The following UBR3 variants were observed in gnomAD, a reference collection of about 807,000 sequenced individuals.
UBR3 encodes the protein ubiquitin protein ligase E3 component n-recognin 3.
A neutral mutation model predicts 243.2 loss-of-function variants in UBR3; 85 were observed. The ratio of observed to expected loss-of-function variants is 0.35; its 90% CI spans 0.29 to 0.42. The LOEUF (loss-of-function observed/expected upper bound fraction) is 0.42. UBR3 is among the 10% of genes least tolerant of loss of function. UBR3 has a pLI of 1.00. For missense variants in UBR3, 1,686 were observed against 2,300.8 expected (o/e 0.73, Z 5.47); for synonymous variants, 748 against 799.8 (o/e 0.94, Z 1.09).
chr2:170,004,732 G>A (rs902544252), intron 27 of UBR3, among the ~76,000 whole-genome samples: 5 of 152,030 alleles, frequency 3.3e-5, no homozygotes, highest in Admixed American at 6.5e-5. Context: ...CCAACATGGC[G>A]AAACCCCATC....
chr2:169,989,541 ATCAGAGATTACAAATC>A (rs2089182012), intron 25 of UBR3, among the ~76,000 whole-genome samples: 1 of 152,178 alleles, frequency 6.6e-6, no homozygotes, highest in Non-Finnish European at 1.5e-5. Flanking sequence ...CCATCAGTTG[ATCAGAGATTACAAATC>A]TCTTTCATGT....
At chr2:169,948,541 G>A (rs1045169636) in intron 22 of UBR3, among the ~76,000 whole-genome samples, 4 of 151,960 alleles carry the variant, frequency 2.6e-5, no homozygotes, top group Admixed American at 1.3e-4. Context: ...CTAGATTTTC[G>A]TGAGTAGAGA....
At chr2:169,902,427 C>A (rs2084861294) in intron 8 of UBR3, among the ~76,000 whole-genome samples, 1 of 152,156 alleles carries the variant, frequency 6.6e-6, no homozygotes, top group Non-Finnish European at 1.5e-5. Flanking sequence ...GTTTATAAGA[C>A]CCTGTAGCCT....
At chr2:170,076,350 T>G (rs2091809910) in intron 36 of UBR3, among the ~76,000 whole-genome samples, 1 of 152,240 alleles carries the variant, frequency 6.6e-6, no homozygotes, top group Admixed American at 6.5e-5. Context: ...ACCCTTCTTC[T>G]CATTCACAGT....
At chr2:169,927,510 A>G in intron 17 of UBR3, 105 bp downstream of exon 17, 1 of 853,704 alleles carries the variant, frequency 1.2e-6, no homozygotes, top group South Asian at 2.1e-5. Flanking sequence ...TTCAAAGTTG[A>G]AAAATAATAT....
chr2:170,046,214 C>A (rs1243547240), intron 32 of UBR3, among the ~76,000 whole-genome samples: 1 of 152,146 alleles, frequency 6.6e-6, no homozygotes, highest in Non-Finnish European at 1.5e-5. Context: ...ATCCACCTGC[C>A]TCGGCCTCCT....
intron 25 of UBR3, among the ~76,000 whole-genome samples, chr2:169,988,743 A>G (rs2089143134): frequency 6.6e-6 from 1 of 152,202 alleles, no homozygotes; most frequent in South Asian, 2.1e-4. Context: ...TCGAGGTTGC[A>G]GTGAGCTGAG....
intron 1 of UBR3, among the ~76,000 whole-genome samples, chr2:169,852,439 A>G (rs1359670898): frequency 6.6e-6 from 1 of 152,214 alleles, no homozygotes; most frequent in Admixed American, 6.5e-5. Context: ...AACATACCAC[A>G]CTAATTTATT....
chr2:169,886,318 G>A (rs1366389571), intron 5 of UBR3, among the ~76,000 whole-genome samples: 2 of 152,076 alleles, frequency 1.3e-5, no homozygotes, highest in African/African-American at 4.8e-5. Context: ...TCCAGTGCAG[G>A]AATTGATTTT....
At chr2:169,990,882 A>G (rs10201626) in intron 25 of UBR3, among the ~76,000 whole-genome samples, 150,886 of 152,180 alleles carry the variant, frequency 0.99, 74,814 homozygotes, top group Middle Eastern at 1. Flanking sequence ...TTTAAAGTTA[A>G]TAATTACTTA....
In UBR3 at chr2:170,079,112, T is replaced by A. The variant is rs574768332; in HGVS notation, c.5200-702T>A. Among the ~76,000 whole-genome samples the A allele has an allele frequency of 2.6e-5, 4 of 152,320 alleles. No homozygotes were observed. In the South Asian group the frequency reaches 6.2e-4, roughly 24 times the overall value. The stretch of plus-strand genomic sequence containing the variant: ...GACTCACTCTACATTTTATCTTTTT[T>A]AAGTGTGAATGGAGTAGCATCTAGA... On this transcript the variant is annotated intron_variant, in intron 36 of 38. Coordinates refer to ENST00000272793, the MANE Select transcript of UBR3 (RefSeq NM_172070.4).
intron 28 of UBR3, among the ~76,000 whole-genome samples, chr2:170,007,595 TAAA>T (rs2089959747): frequency 1.3e-5 from 2 of 152,052 alleles, no homozygotes. Flanking sequence ...CCGTCTCTAC[TAAA>T]AATACAAAAA....
At chr2:169,907,073 T>C (rs571962457) in intron 10 of UBR3, among the ~76,000 whole-genome samples, 1 of 146,716 alleles carries the variant, frequency 6.8e-6, no homozygotes, top group South Asian at 2.2e-4. Flanking sequence ...GGAGTCTCTC[T>C]GTTGCCAGGC....
At chr2:169,925,478 C>A in intron 13 of UBR3, 141 bp from the exon 14 acceptor site, 1 of 735,410 alleles carries the variant, frequency 1.4e-6, no homozygotes, top group Non-Finnish European at 2.0e-6. Context: ...ATGTATATTT[C>A]AACTGATTAT....
chr2:169,855,733 T>G (rs923728442), intron 1 of UBR3, among the ~76,000 whole-genome samples: 10 of 152,242 alleles, frequency 6.6e-5, no homozygotes, highest in Non-Finnish European at 1.2e-4. Flanking sequence ...AAATGGAGTC[T>G]CCTATGTCTA....
At chr2:169,866,010 G>A (rs2105305780) in intron 1 of UBR3, among the ~76,000 whole-genome samples, 1 of 152,064 alleles carries the variant, frequency 6.6e-6, no homozygotes, top group South Asian at 2.1e-4. Flanking sequence ...ATGTAGATGG[G>A]CATGGTGGTG....
intron 24 of UBR3, among the ~76,000 whole-genome samples, chr2:169,983,252 C>CTTTTT (rs72194627): frequency 8.3e-5 from 6 of 71,986 alleles, no homozygotes; most frequent in East Asian, 3.6e-4. Flanking sequence ...ATTCTCTCTC[C>CTTTTT]TTTTTTTTTT....
intron 19 of UBR3, among the ~76,000 whole-genome samples, chr2:169,937,202 A>G (rs1317938780): frequency 6.6e-6 from 1 of 152,178 alleles, no homozygotes; most frequent in Non-Finnish European, 1.5e-5. Flanking sequence ...CGCCATTCTA[A>G]CTGGTGTGAG....
intron 29 of UBR3, among the ~76,000 whole-genome samples, chr2:170,013,556 A>T (rs2090146872): frequency 6.6e-6 from 1 of 152,180 alleles, no homozygotes; most frequent in Admixed American, 6.5e-5. Context: ...TCCAGTCATA[A>T]TCTGGAATAA....
Sources: allele counts gnomAD v4.1 joint callset (sites outside exome capture counted in the v4.1 genomes callset), GRCh38; gene constraint gnomAD v4.1.1; transcripts MANE v1.5; gene names NCBI Gene and HGNC (gene_info 2026-07-23, HGNC 2026-07-21).